COL25A1: variants seen among roughly 807,000 people sequenced by gnomAD.
The protein encoded by COL25A1 is collagen type XXV alpha 1 chain.
A neutral mutation model predicts 128.4 loss-of-function variants in COL25A1; 103 were observed. The observed-to-expected ratio is 0.80, with a 90% CI of 0.68 to 0.94. The LOEUF (loss-of-function observed/expected upper bound fraction) is 0.94, where lower values mean the gene tolerates loss of function less well. Ranked by LOEUF, COL25A1 falls within the 40% of genes least tolerant of loss-of-function variation. COL25A1 has a pLI of 0.00. For missense variants in COL25A1, 745 were observed against 840.0 expected (o/e 0.89, Z 1.40); for synonymous variants, 279 against 277.2 (o/e 1.01, Z -0.06).
intron 3 of COL25A1, among the ~76,000 whole-genome samples, chr4:109,245,199 T>C (rs1159873585): frequency 2.0e-5 from 3 of 152,132 alleles, no homozygotes; most frequent in Non-Finnish European, 4.4e-5. Context: ...CCCAGAACTT[T>C]CCTAGGCAAA....
At chr4:109,174,645 A>G (rs1307572070) in intron 3 of COL25A1, among the ~76,000 whole-genome samples, 4 of 152,148 alleles carry the variant, frequency 2.6e-5, no homozygotes, top group Non-Finnish European at 5.9e-5. Context: ...TGTCAATGTC[A>G]CCTGTCCCAT....
chr4:108,870,118 T>C (rs1738520267), intron 19 of COL25A1, among the ~76,000 whole-genome samples: 1 of 151,770 alleles, frequency 6.6e-6, no homozygotes, highest in African/African-American at 2.4e-5. Flanking sequence ...TAGCCGGGTG[T>C]GATGGTGCGA....
Position 109,218,356 on chromosome 4 carries a change from G to GTT in COL25A1, c.367+82226_367+82227insAA, listed in dbSNP as rs796441649. Among the ~76,000 whole-genome samples the GTT allele has an allele frequency of 1.0e-4, 10 of 100,468 alleles. No homozygotes were observed. The East Asian group carries it at 1.0e-3, about 10-fold the overall frequency. The allele number at this position is 100,468 out of a possible 152,430, so 65.9% of individuals were successfully genotyped here. On this transcript the variant is annotated intron_variant, in intron 3 of 37. Transcript: ENST00000399132. ...GCAGAATCAATTGCTGGTTTTTTGGGGTTTTTTTTTTTTTTTTTTTTTTTT... is the reference window on the plus strand; with the variant it reads ...GCAGAATCAATTGCTGGTTTTTTGGGTTGTTTTTTTTTTTTTTTTTTTTTTTT...
chr4:109,212,204 TG>T (rs1274411781), intron 3 of COL25A1, among the ~76,000 whole-genome samples: 1 of 152,158 alleles, frequency 6.6e-6, no homozygotes, highest in Non-Finnish European at 1.5e-5. Flanking sequence ...TATGGTTGTG[TG>T]GCCTCATCTG....
chr4:109,035,212 C>T (rs1180140304), intron 5 of COL25A1, among the ~76,000 whole-genome samples: 1 of 152,190 alleles, frequency 6.6e-6, no homozygotes. Context: ...ATGATGCTGA[C>T]TTCCAGTCCC....
intron 3 of COL25A1, among the ~76,000 whole-genome samples, chr4:109,077,023 C>T (rs1763437134): frequency 6.6e-6 from 1 of 152,120 alleles, no homozygotes; most frequent in African/African-American, 2.4e-5. Flanking sequence ...GGACCGATAC[C>T]CGAACTTTGA....
intron 3 of COL25A1, among the ~76,000 whole-genome samples, chr4:109,154,165 T>A (rs909473442): frequency 8.5e-5 from 13 of 152,174 alleles, no homozygotes; most frequent in Non-Finnish European, 1.5e-4. Flanking sequence ...ATAACTCAAA[T>A]CTAGGTTAAA....
intron 3 of COL25A1, among the ~76,000 whole-genome samples, chr4:109,219,757 T>C (rs575962820): frequency 6.6e-6 from 1 of 152,312 alleles, no homozygotes; most frequent in East Asian, 1.9e-4. Context: ...GGCCAAGTTA[T>C]AGCTATAATT....
chr4:109,012,646 G>C (rs1428065960), intron 5 of COL25A1, among the ~76,000 whole-genome samples: 1 of 152,166 alleles, frequency 6.6e-6, no homozygotes. Flanking sequence ...GGGGGCGCCA[G>C]GTCCCCCGGC....
chr4:109,127,948 A>G (rs1005915496), intron 3 of COL25A1, among the ~76,000 whole-genome samples: 17 of 152,070 alleles, frequency 1.1e-4, no homozygotes, highest in African/African-American at 3.6e-4. Context: ...TGACAGAGTT[A>G]TTCTTTCCTA....
intron 3 of COL25A1, among the ~76,000 whole-genome samples, chr4:109,293,882 C>A (rs569603107): frequency 5.9e-5 from 9 of 152,152 alleles, no homozygotes; most frequent in Non-Finnish European, 5.9e-5. Flanking sequence ...TTGAGAAATT[C>A]CAAAATGTAA....
intron 3 of COL25A1, among the ~76,000 whole-genome samples, chr4:109,082,461 C>T (rs550177925): frequency 5.1e-4 from 78 of 152,278 alleles, no homozygotes; most frequent in Middle Eastern, 6.8e-3. Context: ...ACATTTGTTA[C>T]GATCTGGCTT....
intron 3 of COL25A1, among the ~76,000 whole-genome samples, chr4:109,290,346 C>A (rs1724345671): frequency 2.0e-5 from 3 of 151,958 alleles, no homozygotes; most frequent in Admixed American, 2.0e-4. Context: ...CAGAACCAAG[C>A]CAATATTCAG....
chr4:109,051,107 G>A (rs1399004414), intron 3 of COL25A1, among the ~76,000 whole-genome samples: 6 of 152,084 alleles, frequency 3.9e-5, no homozygotes, highest in African/African-American at 1.5e-4. Context: ...ATATTTGCCA[G>A]GAGAAGAAGG....
intron 3 of COL25A1, among the ~76,000 whole-genome samples, chr4:109,243,215 G>A (rs1780023057): frequency 6.6e-6 from 1 of 151,986 alleles, no homozygotes; most frequent in African/African-American, 2.4e-5. Context: ...AGAGCAAATA[G>A]GAGTTAAAAA....
intron 11 of COL25A1, among the ~76,000 whole-genome samples, chr4:108,926,330 C>T (rs1330781910): frequency 6.6e-6 from 1 of 152,050 alleles, no homozygotes; most frequent in African/African-American, 2.4e-5. Context: ...CTGGTCATTT[C>T]TGGACACAAG....
chr4:108,836,527 T>G (rs915404308), intron 31 of COL25A1, among the ~76,000 whole-genome samples: 1 of 151,960 alleles, frequency 6.6e-6, no homozygotes, highest in Non-Finnish European at 1.5e-5. Context: ...CGAGACCCAA[T>G]CTCTATAAAA....
intron 13 of COL25A1, among the ~76,000 whole-genome samples, chr4:108,906,876 T>G (rs576834972): frequency 6.6e-6 from 1 of 152,064 alleles, no homozygotes; most frequent in Admixed American, 6.6e-5. Flanking sequence ...TGAATGAATA[T>G]AGGAGAATCA....
At chr4:109,300,703 T>G in intron 2 of COL25A1, 51 bp from the exon 3 acceptor site, 1 of 1,323,194 alleles carries the variant, frequency 7.6e-7, no homozygotes, top group African/African-American at 1.4e-5. Context: ...TGTAGAGGGA[T>G]GGAGTCTTTA....
Sources: allele counts gnomAD v4.1 joint callset (sites outside exome capture counted in the v4.1 genomes callset), GRCh38; gene constraint gnomAD v4.1.1; transcripts MANE v1.5; gene names NCBI Gene and HGNC (gene_info 2026-07-23, HGNC 2026-07-21).